The following STARD13 variants were observed in gnomAD, a reference collection of about 807,000 sequenced individuals.
STARD13 encodes the protein stAR-related lipid transfer protein 13.
In STARD13, 62 loss-of-function variants were observed where a neutral mutation model predicts 106.4. The ratio of observed to expected loss-of-function variants is 0.58; its 90% CI spans 0.48 to 0.72. The LOEUF is 0.72. STARD13 is among the 30% of genes least tolerant of loss of function. The pLI is 0.00. For synonymous variants in STARD13, 565 were observed against 553.0 expected, an observed-to-expected ratio of 1.02 and a Z score of -0.31; for missense variants, 1,387 against 1,424.0, an observed-to-expected ratio of 0.97 and a Z score of 0.42.
intron 2 of STARD13, among the ~76,000 whole-genome samples, chr13:33,166,692 G>C (rs1883346890): frequency 6.6e-6 from 1 of 152,138 alleles, no homozygotes; most frequent in Non-Finnish European, 1.5e-5. Flanking sequence ...TCTATTAACT[G>C]TCAATTAAAG....
the STARD13 span, among the ~76,000 whole-genome samples, chr13:33,598,402 T>A: frequency 6.6e-6 from 1 of 152,216 alleles, no homozygotes; most frequent in African/African-American, 2.4e-5. Context: ...CTCAAATGAA[T>A]GATTTTAGCC....
chr13:33,442,747 T>C, the STARD13 span, among the ~76,000 whole-genome samples: 5 of 152,124 alleles, frequency 3.3e-5, no homozygotes, highest in Admixed American at 1.3e-4. Context: ...ACATGAAACA[T>C]TAGAAGCAGA....
chr13:33,626,057 A>G, the STARD13 span, among the ~76,000 whole-genome samples: 5 of 152,116 alleles, frequency 3.3e-5, no homozygotes, highest in African/African-American at 1.2e-4. Context: ...TCTGCCTCTC[A>G]TGAATGTAAA....
Position 33,202,152 on chromosome 13 carries a change from T to C in STARD13, c.170-34530A>G, listed in dbSNP as rs950265307. On this transcript the variant is annotated intron_variant, in intron 1 of 13. Coordinates refer to ENST00000336934, the MANE Select transcript of STARD13 (RefSeq NM_178006.4). ...TTTAAAACACAGCTAGTCACAGATA[T>C]GCCAAGGCTCTCTCAGAATAGAGAC... is the stretch of plus-strand genomic sequence containing the variant. Among the ~76,000 whole-genome samples the C allele has an allele frequency of 4.6e-5, 7 of 152,202 alleles. No individual in the cohort carries two copies. In the East Asian group the frequency reaches 7.7e-4, roughly 17 times the overall value.
chr13:33,177,832 GGAAGGAAGGAAA>G (rs1884743422), intron 1 of STARD13, among the ~76,000 whole-genome samples: 1 of 29,376 alleles, frequency 3.4e-5, no homozygotes, highest in Admixed American at 3.5e-4. Flanking sequence ...AAGGAAGGAA[GGAAGGAAGGAAA>G]GGAAGGAAGG....
chr13:33,587,012 G>C, the STARD13 span, among the ~76,000 whole-genome samples: 1 of 151,998 alleles, frequency 6.6e-6, no homozygotes, highest in African/African-American at 2.4e-5. Context: ...TCAGGAGTTC[G>C]GGATCAGCCT....
At chr13:33,510,078 G>A in the STARD13 span, among the ~76,000 whole-genome samples, 4 of 152,142 alleles carry the variant, frequency 2.6e-5, no homozygotes, top group East Asian at 1.9e-4. Context: ...TGCCCTTCTC[G>A]CCTTTTCCAA....
chr13:33,228,775 A>G (rs891087705), intron 1 of STARD13, among the ~76,000 whole-genome samples: 2 of 152,182 alleles, frequency 1.3e-5, no homozygotes, highest in Non-Finnish European at 2.9e-5. Context: ...TTTTTCCCCC[A>G]TCACGTAGAG....
At position 33,215,123 on chromosome 13, in the gene STARD13, G is replaced by C. The variant is rs369207926; in HGVS notation, c.170-47501C>G. Reference sequence around the variant, plus strand: ...TTCAGGAATAGAATGAGTACTTGGGGGGGGGGGTGGGGGGAAATAAGCACC... The same window carrying C: ...TTCAGGAATAGAATGAGTACTTGGGCGGGGGGGTGGGGGGAAATAAGCACC... On this transcript the variant is annotated intron_variant, in intron 1 of 13. Coordinates refer to ENST00000336934, the MANE Select transcript of STARD13 (RefSeq NM_178006.4). Among the ~76,000 whole-genome samples the C allele has an allele frequency of 6.4e-4, 83 of 128,898 alleles. 1 individual carries two copies. The highest frequency in any genetic ancestry group is 2.6e-3 in the South Asian group (9 of 3,528). The allele number at this position is 128,898 out of a possible 152,430, so 84.6% of individuals were successfully genotyped here. A position where few individuals can be genotyped will look rare whatever the true frequency, so the allele number is the denominator to read the frequency against.
At chr13:33,440,097 C>T in the STARD13 span, among the ~76,000 whole-genome samples, 2 of 151,940 alleles carry the variant, frequency 1.3e-5, no homozygotes, top group South Asian at 2.1e-4. Context: ...GGCAACATAG[C>T]GAGACACCCT....
At position 33,187,933 on chromosome 13, in the gene STARD13, C is replaced by A. The variant is rs1885920844; in HGVS notation, c.170-20311G>T. Among the ~76,000 whole-genome samples, 5 of 152,308 alleles carry A rather than the reference C, an allele frequency of 3.3e-5. No individual in the cohort carries two copies. In the South Asian group the frequency reaches 1.0e-3, roughly 32 times the overall value. ...TCCTGACCTCAAGTGATCTGCCCAC[C>A]TCGGCCCTCCCAAAGTGCTGGGATT... On this transcript the variant is annotated intron_variant, in intron 1 of 13. Transcript: ENST00000336934.
chr13:33,444,839 A>G, the STARD13 span, among the ~76,000 whole-genome samples: 2 of 152,174 alleles, frequency 1.3e-5, no homozygotes, highest in African/African-American at 2.4e-5. Flanking sequence ...GATCCCCCAG[A>G]AAGTGTTAAT....
intron 1 of STARD13, among the ~76,000 whole-genome samples, chr13:33,247,282 G>C (rs1889873738): frequency 6.6e-6 from 1 of 152,046 alleles, no homozygotes; most frequent in Admixed American, 6.6e-5. Context: ...AGTGCGGCTT[G>C]GTTTGTCTGG....
chr13:33,123,935 C>T (rs749985338), intron 7 of STARD13, among the ~76,000 whole-genome samples: 11 of 152,166 alleles, frequency 7.2e-5, no homozygotes, highest in Non-Finnish European at 1.5e-4. Flanking sequence ...GGGTTATTTG[C>T]GGATGTTCTC....
At chr13:33,246,287 G>GA in intron 1 of STARD13, among the ~76,000 whole-genome samples, 1 of 152,294 alleles carries the variant, frequency 6.6e-6, no homozygotes, top group South Asian at 2.1e-4. Flanking sequence ...CACAAAAGAG[G>GA]AAAGCACTAC....
At chr13:33,428,107 G>A in the STARD13 span, among the ~76,000 whole-genome samples, 3 of 152,140 alleles carry the variant, frequency 2.0e-5, no homozygotes, top group Non-Finnish European at 2.9e-5. Context: ...ATGGTTCTGG[G>A]AAAACTGGAT....
chr13:33,298,294 TA>T (rs1280083569), intron 1 of STARD13, among the ~76,000 whole-genome samples: 1 of 117,006 alleles, frequency 8.5e-6, no homozygotes, highest in Non-Finnish European at 2.0e-5. Context: ...CATGCTCAGC[TA>T]ATTTTTTTTT....
chr13:33,426,142 A>ATC, the STARD13 span, among the ~76,000 whole-genome samples: 2 of 152,206 alleles, frequency 1.3e-5, no homozygotes, highest in Admixed American at 1.3e-4. Flanking sequence ...GAAGAAAATT[A>ATC]TCTCTAATGT....
chr13:33,666,605 T>A, the STARD13 span, among the ~76,000 whole-genome samples: 1 of 151,804 alleles, frequency 6.6e-6, no homozygotes, highest in Non-Finnish European at 1.5e-5. Context: ...TATTTATTTT[T>A]TAAGACAGAG....
Sources: gnomAD v4.1 joint callset for allele counts (sites outside exome capture counted in the v4.1 genomes callset) on GRCh38, gnomAD v4.1.1 for gene constraint, MANE v1.5 for transcripts, NCBI Gene and HGNC (gene_info 2026-07-23, HGNC 2026-07-21) for gene names.